Variants in PNLDC1 observed in about 807,000 individuals in gnomAD.
PNLDC1 encodes the protein poly(A)-specific ribonuclease PNLDC1.
In PNLDC1, 70 loss-of-function variants were observed where a neutral mutation model predicts 82.0. That is an observed-to-expected ratio of 0.85 (90% CI 0.70 to 1.04). The LOEUF is 1.04. Ranked by LOEUF, PNLDC1 falls within the 50% of genes least tolerant of loss-of-function variation. The pLI is 0.00. For synonymous variants in PNLDC1, 280 were observed against 249.3 expected (o/e 1.12, Z -1.16); for missense variants, 631 against 661.1 (o/e 0.95, Z 0.50).
chr6:159,803,868 C>A, intron 4 of PNLDC1, 97 bp from the exon 5 acceptor site: 1 of 1,340,092 alleles, frequency 7.5e-7, no homozygotes, highest in Admixed American at 2.3e-5. Context: ...TCAGATTCTT[C>A]TTGCCTAAAA....
rs369909049 is a variant in PNLDC1 at position 159,809,166 on chromosome 6, A to G, written c.783+8A>G. 1 of 1,613,260 alleles carries G rather than the reference A, an allele frequency of 6.2e-7. No homozygotes were observed. The highest frequency in any genetic ancestry group is 1.3e-5 in the African/African-American group (1 of 74,804). On this transcript the variant is annotated splice_region_variant and intron_variant, in intron 9 of 18. Transcript: ENST00000392167. The stretch of plus-strand genomic sequence containing the variant: ...CTGGTGAAAGCCCAGAAGGTAGGAA[A>G]ACATGTCTCTTTTCTTGGCCTAAAG...
At chr6:159,803,470 C>G in intron 4 of PNLDC1, 160 bp downstream of exon 4, 1 of 647,796 alleles carries the variant, frequency 1.5e-6, no homozygotes. Flanking sequence ...CTGCGGATTC[C>G]AGCTTGTCTT....
chr6:159,819,148 C>T lies in PNLDC1; in HGVS notation c.1433+27C>T. ...TAGGTGCCTCTAAGTCCGCGTCCCCCACCCCTCGTGCGTTCATCCCTGTAT... is the reference window on the plus strand; with the variant it reads ...TAGGTGCCTCTAAGTCCGCGTCCCCTACCCCTCGTGCGTTCATCCCTGTAT... On this transcript the variant is annotated intron_variant, in intron 17 of 18. Transcript: ENST00000392167. This position sits in a 1 kb window ranked among gnomAD's most constrained non-coding sequence, Gnocchi z 4.6. The T allele has an allele frequency of 6.2e-7, 1 of 1,611,832 alleles. No individual in the cohort carries two copies. The highest frequency in any genetic ancestry group is 1.3e-5 in the African/African-American group (1 of 74,982).
intron 11 of PNLDC1, 53 bp downstream of exon 11, chr6:159,811,839 A>G (rs1206611355): frequency 7.8e-7 from 1 of 1,275,052 alleles, no homozygotes; most frequent in East Asian, 2.3e-5. Flanking sequence ...TACCAGTAAC[A>G]CTTAGCTTTC....
chr6:159,818,829 T>G (rs1781934260), intron 16 of PNLDC1, 117 bp from the exon 17 acceptor site: 4 of 1,308,242 alleles, frequency 3.1e-6, no homozygotes, highest in African/African-American at 1.5e-5. Flanking sequence ...TCATCCTTCC[T>G]TCTCTTCCCC....
rs954653953 is a variant in PNLDC1, at chr6:159,810,041, A to G, written c.799A>G (p.Asn267Asp). 1.2e-6 allele frequency: 2 copies of G among 1,613,996 alleles called. No individual in the cohort carries two copies. The highest frequency in any genetic ancestry group is 2.2e-5 in the South Asian group (2 of 91,072). ...VKAQKPLVGH[N>D]MMMDLLHLHE... is the part of the protein sequence containing the mutation. Reference sequence around the variant, plus strand: ...CTCCAAGTAGCCCTTAGTGGGACATAATATGATGATGGACCTGCTGCACCT... The same window carrying G: ...CTCCAAGTAGCCCTTAGTGGGACATGATATGATGATGGACCTGCTGCACCT... The change falls in exon 10 of 19, where the codon AAT (asparagine) becomes GAT (aspartate). Residue 267 changes from asparagine (N) to aspartate (D), a missense_variant. Coordinates refer to ENST00000392167, the MANE Select transcript of PNLDC1 (RefSeq NM_001271862.2).
chr6:159,818,678 C>G (rs1562507690), intron 16 of PNLDC1, 24 bp downstream of exon 16: 1 of 1,599,482 alleles, frequency 6.3e-7, no homozygotes, highest in Non-Finnish European at 8.6e-7. Flanking sequence ...ATTTGGCCCC[C>G]TCGCCCCATT....
At position 159,808,753 on chromosome 6, in the gene PNLDC1, T is replaced by C. The variant is rs145147242; in HGVS notation, c.576T>C (p.Phe192=). ...TLPGITGFQA[F]EVQLVLRQAL... Reference sequence around the variant, plus strand: ...TCCCTGCTGCAGGCTTCCAGGCCTTTGAGGTCCAACTGGTGCTGAGGCAGG... The same window carrying C: ...TCCCTGCTGCAGGCTTCCAGGCCTTCGAGGTCCAACTGGTGCTGAGGCAGG... The change falls in exon 8 of 19, where the codon TTT becomes TTC. Residue 192 remains phenylalanine (F), a synonymous_variant. Coordinates refer to ENST00000392167, the MANE Select transcript of PNLDC1 (RefSeq NM_001271862.2). 13 of 1,613,738 alleles carry C rather than the reference T, an allele frequency of 8.1e-6. No homozygotes were observed. In the African/African-American group the frequency reaches 1.7e-4, roughly 22 times the overall value.
Position 159,819,231 on chromosome 6 carries a change from C to G in PNLDC1, c.1434-23C>G. On this transcript the variant is annotated intron_variant, in intron 17 of 18. Transcript: ENST00000392167. This position sits in a 1 kb window ranked among gnomAD's most constrained non-coding sequence, Gnocchi z 4.6. ...CGGCGCCATCCTGCTGCCTGGCTGACCACAGCAAACTTGTTTTGGCAGTGC... is the reference window on the plus strand; with the variant it reads ...CGGCGCCATCCTGCTGCCTGGCTGAGCACAGCAAACTTGTTTTGGCAGTGC... 6.2e-7 allele frequency: 1 copy of G among 1,613,360 alleles called. No homozygotes were observed. Among genetic ancestry groups the G allele is most frequent in the African/African-American group, 1.3e-5 (1 of 75,020 alleles).
rs544901822 is a variant in PNLDC1 at position 159,804,511 on chromosome 6, T to C, written c.373-38T>C. 2.1e-6 allele frequency: 3 copies of C among 1,402,870 alleles called. No homozygotes were observed. In the African/African-American group the frequency reaches 4.3e-5, roughly 20 times the overall value. 86.9% of individuals were successfully genotyped at this position (1,402,870 alleles called of 1,614,324 possible). On this transcript the variant is annotated intron_variant, in intron 5 of 18. Coordinates refer to ENST00000392167, the MANE Select transcript of PNLDC1 (RefSeq NM_001271862.2). ...AGGCACAGAGGATCCCTCTGACTTG[T>C]CTCCTTGTTCTGTTTGTTGTTCTGT...
At chr6:159,810,865 G>A (rs1781622903) in intron 10 of PNLDC1, among the ~76,000 whole-genome samples, 1 of 152,180 alleles carries the variant, frequency 6.6e-6, no homozygotes, top group South Asian at 2.1e-4. Context: ...TGAGAGAGTT[G>A]GAGAATTAGC....
At chr6:159,820,064 C>T (rs1220263429) in intron 18 of PNLDC1, among the ~76,000 whole-genome samples, 1 of 152,104 alleles carries the variant, frequency 6.6e-6, no homozygotes, top group Non-Finnish European at 1.5e-5. Context: ...TCGGTGCAGC[C>T]AGGGGCAGCG....
In PNLDC1 at chr6:159,820,487, C is replaced by T. The variant is rs772338948; in HGVS notation, c.1566C>T (p.Leu522=). Residue 522 remains leucine, a synonymous_variant, in exon 19 of 19, where the codon CTC becomes CTT. Transcript: ENST00000392167. ...GCATAGTGACTGCCTGGGCCCTTCT[C>T]GCGTTCATCCTTGGAAGATCTGGTA... is the stretch of plus-strand genomic sequence containing the variant. The part of the protein sequence containing the change: ...VCGIVTAWAL[L]AFILGRSGT The T allele has an allele frequency of 1.1e-5, 17 of 1,614,034 alleles. No individual in the cohort carries two copies. The highest frequency in any genetic ancestry group is 8.9e-5 in the East Asian group (4 of 44,890).
Position 159,818,612 on chromosome 6 carries a change from C to T in PNLDC1, c.1215C>T (p.Tyr405=), listed in dbSNP as rs148786148. 423 of 1,613,900 alleles carry T rather than the reference C, an allele frequency of 2.6e-4. 2 individuals are homozygous for T. The South Asian group carries it at 3.1e-3, about 12-fold the overall frequency. ...AGTACCTTGACGTGCTGGCTCCTTA[C>T]GTGAACCAAGTGAACCTCATCCGAG... ...FPQYLDVLAP[Y]VNQVNLIRAG... The change falls in exon 16 of 19, where the codon TAC becomes TAT. Residue 405 remains tyrosine, a synonymous_variant. Coordinates refer to ENST00000392167, the MANE Select transcript of PNLDC1 (RefSeq NM_001271862.2).
chr6:159,800,988 T>A, intron 2 of PNLDC1, 125 bp from the exon 3 acceptor site: 1 of 1,438,588 alleles, frequency 7.0e-7, no homozygotes, highest in Non-Finnish European at 9.8e-7. Context: ...ATGATGGTAG[T>A]GCTCCCTAGT....
intron 6 of PNLDC1, 117 bp from the exon 7 acceptor site, chr6:159,805,866 C>T: frequency 2.7e-6 from 2 of 735,740 alleles, no homozygotes; most frequent in South Asian, 1.5e-5. Context: ...GGTACATTTT[C>T]TTTGTATATT....
chr6:159,801,090 A>G (rs1231309413), intron 2 of PNLDC1, 23 bp from the exon 3 acceptor site: 1 of 1,613,180 alleles, frequency 6.2e-7, no homozygotes, highest in Middle Eastern at 1.6e-4. Context: ...TGCTCGTGGA[A>G]TGAGATGCCT....
chr6:159,808,096 T>C lies in PNLDC1; in HGVS notation c.563-644T>C, dbSNP rs542154434. The stretch of plus-strand genomic sequence containing the variant: ...GCCTGGCTAATTTCTGTATTTTTAG[T>C]AGAGTCAGGGTTTCACCGTGTTGGC... On this transcript the variant is annotated intron_variant, in intron 7 of 18. Coordinates refer to ENST00000392167, the MANE Select transcript of PNLDC1 (RefSeq NM_001271862.2). Among the ~76,000 whole-genome samples, 7 of 152,272 alleles carry C rather than the reference T, an allele frequency of 4.6e-5. No homozygotes were observed. The South Asian group carries it at 1.4e-3, about 32-fold the overall frequency.
upstream of PNLDC1, among the ~76,000 whole-genome samples, chr6:159,799,653 T>C (rs962616198): frequency 1.3e-5 from 2 of 152,064 alleles, no homozygotes; most frequent in Non-Finnish European, 2.9e-5. Context: ...ATGTATGTGA[T>C]GATGTAGGTA....
Sources: allele counts gnomAD v4.1 joint callset (sites outside exome capture counted in the v4.1 genomes callset), GRCh38; gene constraint gnomAD v4.1.1; non-coding constraint Gnocchi (gnomAD v3.1); transcripts MANE v1.5; gene names NCBI Gene and HGNC (gene_info 2026-07-23, HGNC 2026-07-21).